NDUFA9: variants seen among roughly 807,000 people sequenced by gnomAD.
The protein encoded by NDUFA9 is NADH dehydrogenase [ubiquinone] 1 alpha subcomplex subunit 9, mitochondrial.
A neutral mutation model predicts 45.9 loss-of-function variants in NDUFA9; 23 were observed. That is an observed-to-expected ratio of 0.50 (90% CI 0.36 to 0.71). NDUFA9 has a LOEUF of 0.71. NDUFA9 is among the 30% of genes least tolerant of loss of function. The pLI, the probability that NDUFA9 is intolerant of heterozygous loss-of-function variation, is 0.00. For missense variants in NDUFA9, 466 were observed against 488.2 expected (o/e 0.95, Z 0.43); for synonymous variants, 176 against 170.5 (o/e 1.03, Z -0.25).
chr12:4,673,738 G>A (rs1945902040), intron 8 of NDUFA9, among the ~76,000 whole-genome samples: 1 of 151,802 alleles, frequency 6.6e-6, no homozygotes, highest in Non-Finnish European at 1.5e-5. Flanking sequence ...AATGGAACCA[G>A]GAGCCAAGTT....
At position 4,654,400 on chromosome 12, in the gene NDUFA9, G is replaced by C. The variant is rs1591542079; in HGVS notation, c.158G>C (p.Gly53Ala). 1.2e-6 allele frequency: 2 copies of C among 1,614,130 alleles called. No homozygotes were observed. The highest frequency in any genetic ancestry group is 3.3e-4 in the Middle Eastern group (2 of 6,062). Reference protein sequence around the residue: ...HGKGGRSSVSGIVATVFGATG... With the variant: ...HGKGGRSSVSAIVATVFGATG... ...AAAGGTGGACGTTCCTCAGTCAGTGGGATTGTGGCCACTGTGTTTGGAGCA... is the reference window on the plus strand; with the variant it reads ...AAAGGTGGACGTTCCTCAGTCAGTGCGATTGTGGCCACTGTGTTTGGAGCA... Residue 53 changes from glycine (G) to alanine (A), a missense_variant, in exon 2 of 11, where the codon GGG becomes GCG. Gly to Ala is a moderately conservative substitution (Grantham distance 60). Transcript: ENST00000266544.
intron 10 of NDUFA9, among the ~76,000 whole-genome samples, chr12:4,685,612 A>T (rs908774758): frequency 1.3e-5 from 2 of 150,554 alleles, no homozygotes; most frequent in African/African-American, 4.9e-5. Flanking sequence ...TCCTCCCATC[A>T]CTCTTCCAGC....
At chr12:4,680,221 G>A (rs1445058126) in intron 8 of NDUFA9, among the ~76,000 whole-genome samples, 1 of 150,394 alleles carries the variant, frequency 6.6e-6, no homozygotes, top group African/African-American at 2.4e-5. Context: ...GCAGAACTGA[G>A]TGTTCCATTG....
chr12:4,655,650 GT>G (rs1301249742), intron 3 of NDUFA9: 1 of 152,130 alleles, frequency 6.6e-6, no homozygotes, highest in Non-Finnish European at 1.5e-5. Flanking sequence ...CAAATAGGGT[GT>G]TTTATAACTT....
At chr12:4,660,572 C>T (rs80330653) in intron 5 of NDUFA9, among the ~76,000 whole-genome samples, 1,648 of 152,108 alleles carry the variant, frequency 0.011, 33 homozygotes, top group African/African-American at 0.038. Context: ...AGATTGGGCC[C>T]AGAACATACC....
chr12:4,690,613 G>A lies in NDUFA9; in HGVS notation c.*3505G>A, dbSNP rs1489985414. Reference sequence around the variant, plus strand: ...AGTCCCAGCCCAGGAGGGAGACTGAGGCAGGAGAATCACTGAAACCTGGGA... The same window carrying A: ...AGTCCCAGCCCAGGAGGGAGACTGAAGCAGGAGAATCACTGAAACCTGGGA... On this transcript the variant is annotated 3_prime_UTR_variant, in exon 11 of 11. Transcript: ENST00000266544. 6.6e-6 allele frequency: 1 copy of A among 152,222 alleles called. No homozygotes were observed. The highest frequency in any genetic ancestry group is 1.5e-5 in the Non-Finnish European group (1 of 68,150). 9.4% of individuals were successfully genotyped at this position (152,222 alleles called of 1,614,324 possible).
intron 6 of NDUFA9, 59 bp from the exon 7 acceptor site, chr12:4,668,398 G>C: frequency 5.3e-6 from 7 of 1,313,990 alleles, no homozygotes; most frequent in Non-Finnish European, 7.7e-6. Context: ...TCTTAAGACT[G>C]TTGGATCTTA....
chr12:4,660,749 C>T (rs755685308), intron 5 of NDUFA9, among the ~76,000 whole-genome samples: 6 of 152,108 alleles, frequency 3.9e-5, no homozygotes, highest in Non-Finnish European at 8.8e-5. Flanking sequence ...TTATGAATGC[C>T]ATTGAGAAGT....
At chr12:4,658,208 T>C (rs1300090972) in intron 4 of NDUFA9, among the ~76,000 whole-genome samples, 1 of 152,214 alleles carries the variant, frequency 6.6e-6, no homozygotes, top group Non-Finnish European at 1.5e-5. Context: ...CTAGATGTCT[T>C]TTCTGCATTG....
chr12:4,686,101 T>C (rs1945984806), intron 10 of NDUFA9, among the ~76,000 whole-genome samples: 1 of 152,244 alleles, frequency 6.6e-6, no homozygotes, highest in Non-Finnish European at 1.5e-5. Context: ...CACTTCAGTT[T>C]ATCTTACACT....
At chr12:4,655,278 A>G in intron 3 of NDUFA9, 1 of 201,996 alleles carries the variant, frequency 5.0e-6, no homozygotes. Flanking sequence ...TTACAAAATG[A>G]GGCTGCAGGC....
At chr12:4,673,029 G>T (rs1434393641) in intron 8 of NDUFA9, among the ~76,000 whole-genome samples, 1 of 152,214 alleles carries the variant, frequency 6.6e-6, no homozygotes, top group Non-Finnish European at 1.5e-5. Flanking sequence ...GCTTCCAGAG[G>T]AAGGAACAGG....
intron 5 of NDUFA9, among the ~76,000 whole-genome samples, chr12:4,659,468 T>G (rs1331039870): frequency 1.3e-5 from 2 of 152,184 alleles, no homozygotes; most frequent in Non-Finnish European, 2.9e-5. Flanking sequence ...ACAGAAACCA[T>G]CACAGATTTC....
chr12:4,652,058 A>G (rs1392516040), intron 1 of NDUFA9, among the ~76,000 whole-genome samples: 1 of 152,210 alleles, frequency 6.6e-6, no homozygotes, highest in Non-Finnish European at 1.5e-5. Context: ...TCTCATTCTC[A>G]GCTTTACAGA....
intron 3 of NDUFA9, among the ~76,000 whole-genome samples, chr12:4,656,194 T>C (rs1945789512): frequency 6.6e-6 from 1 of 152,256 alleles, no homozygotes; most frequent in Admixed American, 6.5e-5. Context: ...ACAAGCTAAG[T>C]ATAATACTTG....
chr12:4,687,101 A>C lies in NDUFA9; in HGVS notation c.1127A>C (p.Asn376Thr). The change falls in exon 11 of 11, where the codon AAC (asparagine) becomes ACC (threonine). Residue 376 changes from asparagine to threonine, a missense_variant. Transcript: ENST00000266544. ...IEDVKPAKTV[N>T]I is the part of the protein sequence containing the mutation. ...GATGTGAAGCCGGCCAAGACCGTCA[A>C]CATTTAGTGCCTCCTGAGCAGCTCT... The C allele has an allele frequency of 6.2e-7, 1 of 1,614,176 alleles. No individual in the cohort carries two copies. Among genetic ancestry groups the C allele is most frequent in the Non-Finnish European group, 8.5e-7 (1 of 1,180,028 alleles).
intron 3 of NDUFA9, chr12:4,655,159 C>T: frequency 2.3e-6 from 1 of 439,056 alleles, no homozygotes; most frequent in Non-Finnish European, 4.0e-6. Context: ...TCTGGCTTTG[C>T]AGGTCGTAGA....
chr12:4,686,654 G>T (rs1428490907), intron 10 of NDUFA9, among the ~76,000 whole-genome samples: 3 of 152,120 alleles, frequency 2.0e-5, no homozygotes, highest in African/African-American at 7.2e-5. Flanking sequence ...GTTGAAATCT[G>T]TATATAGAAT....
chr12:4,676,910 G>C (rs1014716131), intron 8 of NDUFA9, among the ~76,000 whole-genome samples: 2 of 152,124 alleles, frequency 1.3e-5, no homozygotes, highest in Non-Finnish European at 2.9e-5. Flanking sequence ...ATACTACAAG[G>C]CTACAGTAAC....
Sources: allele counts gnomAD v4.1 joint callset (sites outside exome capture counted in the v4.1 genomes callset), GRCh38; gene constraint gnomAD v4.1.1; transcripts MANE v1.5; gene names NCBI Gene and HGNC (gene_info 2026-07-23, HGNC 2026-07-21).